Variants in ETV1 observed in about 807,000 individuals in gnomAD.
ETV1 encodes ETS variant transcription factor 1.
In ETV1, 27 loss-of-function variants were observed where a neutral mutation model predicts 62.3. The ratio of observed to expected loss-of-function variants is 0.43; its 90% CI spans 0.32 to 0.60. ETV1 has a LOEUF of 0.60. Ranked by LOEUF, ETV1 falls within the 20% of genes least tolerant of loss-of-function variation. The pLI is 0.06. For synonymous variants in ETV1, 222 were observed against 199.6 expected (o/e 1.11, Z -0.94); for missense variants, 605 against 605.8 (o/e 1.00, Z 0.01).
Position 13,894,758 on chromosome 7 carries a change from A to C in ETV1, c.*1108T>G. The C allele has an allele frequency of 4.3e-6, 1 of 232,702 alleles. No individual in the cohort carries two copies. The highest frequency in any genetic ancestry group is 8.5e-6 in the Non-Finnish European group (1 of 117,456). 14.4% of individuals were successfully genotyped at this position (232,702 alleles called of 1,614,324 possible). ...AGAATATTACAGAAAAGACAGCAGCAGAAGCATTAGCATTATCTAATATTT... is the reference window on the plus strand; with the variant it reads ...AGAATATTACAGAAAAGACAGCAGCCGAAGCATTAGCATTATCTAATATTT... On this transcript the variant is annotated 3_prime_UTR_variant, in exon 14 of 14. Coordinates refer to ENST00000430479, the MANE Select transcript of ETV1 (RefSeq NM_004956.5).
intron 9 of ETV1, among the ~76,000 whole-genome samples, chr7:13,928,470 C>T (rs377055820): frequency 1.3e-5 from 2 of 151,958 alleles, no homozygotes; most frequent in East Asian, 1.9e-4. Context: ...CAAAATTAGC[C>T]GGGCATGGTG....
At chr7:13,970,263 AACACACACACACACACACACAC>A (rs71033966) in intron 6 of ETV1, among the ~76,000 whole-genome samples, 45,224 of 126,760 alleles carry the variant, frequency 0.36, 8,625 homozygotes, top group Non-Finnish European at 0.37. Flanking sequence ...CCCATCTCAA[AACACACACACACACACACACAC>A]ACACACACAC....
chr7:13,944,690 C>G (rs1396692776), intron 6 of ETV1, among the ~76,000 whole-genome samples: 1 of 152,130 alleles, frequency 6.6e-6, no homozygotes, highest in Non-Finnish European at 1.5e-5. Context: ...TAGGGAGCTG[C>G]TGGAGAAACA....
intron 9 of ETV1, among the ~76,000 whole-genome samples, chr7:13,919,793 C>A (rs1308216732): frequency 6.6e-6 from 1 of 151,890 alleles, no homozygotes; most frequent in African/African-American, 2.4e-5. Context: ...AACCTAAAAA[C>A]AGATACTTAG....
At chr7:13,937,582 T>G (rs1312681419) in intron 7 of ETV1, among the ~76,000 whole-genome samples, 4 of 152,254 alleles carry the variant, frequency 2.6e-5, no homozygotes, top group South Asian at 2.1e-4. Context: ...GTCACAATTC[T>G]GATTAATGCT....
At chr7:13,979,904 G>T (rs1338941077) in intron 5 of ETV1, among the ~76,000 whole-genome samples, 1 of 152,102 alleles carries the variant, frequency 6.6e-6, no homozygotes, top group African/African-American at 2.4e-5. Context: ...GAGCAGCACA[G>T]ACTCACTGAT....
chr7:13,968,683 C>T (rs899301743), intron 6 of ETV1, among the ~76,000 whole-genome samples: 7 of 151,686 alleles, frequency 4.6e-5, no homozygotes, highest in African/African-American at 1.7e-4. Context: ...TTCTAAAACC[C>T]ACTTTTCAAG....
At chr7:13,940,983 C>T (rs930414751) in intron 6 of ETV1, among the ~76,000 whole-genome samples, 1 of 152,042 alleles carries the variant, frequency 6.6e-6, no homozygotes, top group African/African-American at 2.4e-5. Flanking sequence ...AATAATTACC[C>T]TTGGTACACT....
intron 11 of ETV1, among the ~76,000 whole-genome samples, chr7:13,908,024 T>C (rs888497118): frequency 1.3e-5 from 2 of 152,134 alleles, no homozygotes; most frequent in African/African-American, 4.8e-5. Context: ...TGGGAGTAAC[T>C]GAGTAATTAT....
At chr7:13,959,388 C>T (rs1789885785) in intron 6 of ETV1, among the ~76,000 whole-genome samples, 1 of 152,164 alleles carries the variant, frequency 6.6e-6, no homozygotes, top group Admixed American at 6.5e-5. Context: ...CTAGTCCCAG[C>T]ATATGCTTCC....
At chr7:13,942,063 G>C (rs1386110581) in intron 6 of ETV1, among the ~76,000 whole-genome samples, 1 of 119,590 alleles carries the variant, frequency 8.4e-6, no homozygotes, top group Non-Finnish European at 1.6e-5. Context: ...TCACTCTTTC[G>C]CCCAGGCTGG....
chr7:13,909,785 G>T (rs1783378848), intron 10 of ETV1, 85 bp from the exon 11 acceptor site: 1 of 1,212,782 alleles, frequency 8.2e-7, no homozygotes, highest in Non-Finnish European at 1.2e-6. Flanking sequence ...CATAAAAATT[G>T]TGATAGAAAA....
At chr7:13,988,795 C>G in intron 3 of ETV1, 1 of 1,605,612 alleles carries the variant, frequency 6.2e-7, no homozygotes, top group Non-Finnish European at 8.5e-7. Context: ...AAAAAGGGGT[C>G]TTAAAAACAA....
Position 13,895,895 on chromosome 7 carries a change from G to C in ETV1, c.1405C>G (p.His469Asp), listed in dbSNP as rs370168921. 135 of 1,613,538 alleles carry C rather than the reference G, an allele frequency of 8.4e-5. No homozygotes were observed. Among genetic ancestry groups the C allele is most frequent in the Non-Finnish European group, 1.1e-4 (132 of 1,179,770 alleles). Residue 469 changes from histidine to aspartate, a missense_variant, in exon 14 of 14, where the codon CAC becomes GAC. This residue lies in a region of ETV1 where 79 missense variants were observed against 71.6 expected (regional missense o/e 1.10). Transcript: ENST00000430479. ...TACACGTAGCCTTCGTTGTAGGGGTGGGGGTTGCAGCAGCCCCCTTCCGGC... is the reference window on the plus strand; with the variant it reads ...TACACGTAGCCTTCGTTGTAGGGGTCGGGGTTGCAGCAGCCCCCTTCCGGC... ...YMPEGGCCNPHPYNEGYVY is the reference protein window; with the variant it reads ...YMPEGGCCNPDPYNEGYVY
intron 5 of ETV1, among the ~76,000 whole-genome samples, chr7:13,979,849 A>G (rs1781815818): frequency 6.6e-6 from 1 of 152,160 alleles, no homozygotes; most frequent in South Asian, 2.1e-4. Flanking sequence ...TTGTTTTTGT[A>G]GCATCGTAAG....
At chr7:13,963,673 T>C (rs1268176987) in intron 6 of ETV1, among the ~76,000 whole-genome samples, 3 of 152,174 alleles carry the variant, frequency 2.0e-5, no homozygotes, top group Admixed American at 1.3e-4. Flanking sequence ...CAGATGTTTG[T>C]ATATATTAGC....
intron 13 of ETV1, among the ~76,000 whole-genome samples, chr7:13,900,165 T>C (rs1387137868): frequency 2.0e-5 from 3 of 152,074 alleles, no homozygotes; most frequent in Non-Finnish European, 4.4e-5. Flanking sequence ...CTTTCAAATA[T>C]TATGGGAAGC....
chr7:13,952,429 A>C (rs139387213), intron 6 of ETV1, among the ~76,000 whole-genome samples: 229 of 152,318 alleles, frequency 1.5e-3, no homozygotes, highest in African/African-American at 5.3e-3. Flanking sequence ...AGAGCTCTAC[A>C]AGCCTCAATA....
chr7:13,958,179 T>A (rs1218075676), intron 6 of ETV1, among the ~76,000 whole-genome samples: 2 of 152,238 alleles, frequency 1.3e-5, no homozygotes, highest in Non-Finnish European at 2.9e-5. Context: ...GCCTATATAC[T>A]AAAATCCATT....
Sources: gnomAD v4.1 joint callset for allele counts (sites outside exome capture counted in the v4.1 genomes callset) on GRCh38, gnomAD v4.1.1 for gene constraint, gnomAD v4.1.1 regional missense constraint, MANE v1.5 for transcripts, NCBI Gene and HGNC (gene_info 2026-07-23, HGNC 2026-07-21) for gene names.